Variants in NEDD9 observed in about 807,000 individuals in gnomAD.
NEDD9 encodes enhancer of filamentation 1.
Under a neutral mutation model 76.6 loss-of-function variants are expected in NEDD9, and 26 were observed. The ratio of observed to expected loss-of-function variants is 0.34; its 90% CI spans 0.25 to 0.47. The LOEUF is 0.47. NEDD9 is among the 20% of genes least tolerant of loss of function. The pLI is 1.00. For synonymous variants in NEDD9, 392 were observed against 414.2 expected, an observed-to-expected ratio of 0.95 and a Z score of 0.65; for missense variants, 937 against 1,058.5, an observed-to-expected ratio of 0.89 and a Z score of 1.59.
chr6:11,368,127 G>A (rs1035956214), intron 1 of NEDD9, among the ~76,000 whole-genome samples: 2 of 152,202 alleles, frequency 1.3e-5, no homozygotes, highest in African/African-American at 4.8e-5. Flanking sequence ...CTGGCCCTCA[G>A]TGGCTTCTCC....
chr6:11,192,260 C>T, intron 4 of NEDD9, 85 bp downstream of exon 4: 1 of 446,570 alleles, frequency 2.2e-6, no homozygotes, highest in Non-Finnish European at 3.9e-6. Context: ...GAGTGAACTA[C>T]TTACCCACCC....
At chr6:11,251,011 G>C (rs1759904102) in intron 3 of NEDD9, among the ~76,000 whole-genome samples, 1 of 152,170 alleles carries the variant, frequency 6.6e-6, no homozygotes, top group Non-Finnish European at 1.5e-5. Context: ...TCTGCTGTAA[G>C]GAGACTTAAA....
At chr6:11,300,983 A>G (rs1055620144) in intron 3 of NEDD9, among the ~76,000 whole-genome samples, 1 of 152,250 alleles carries the variant, frequency 6.6e-6, no homozygotes, top group African/African-American at 2.4e-5. Context: ...ATGAGCTAAC[A>G]TCAAAATGAC....
chr6:11,221,422 G>A (rs541167878), intron 1 of NEDD9, among the ~76,000 whole-genome samples: 20 of 151,928 alleles, frequency 1.3e-4, no homozygotes, highest in African/African-American at 4.8e-4. Context: ...AAAAGAAGGG[G>A]GAAGAACACC....
chr6:11,240,964 T>C (rs368008203), intron 3 of NEDD9, among the ~76,000 whole-genome samples: 11 of 152,358 alleles, frequency 7.2e-5, no homozygotes, highest in East Asian at 5.8e-4. Context: ...TGGCAAAGCC[T>C]CTCTCTCCTG....
At position 11,237,830 on chromosome 6, in the gene NEDD9, A is replaced by G. The variant is rs1200719678; in HGVS notation, c.13-24103T>C. Among the ~76,000 whole-genome samples, 1 of 152,230 alleles carries G rather than the reference A, an allele frequency of 6.6e-6. No individual in the cohort carries two copies. The highest frequency in any genetic ancestry group is 1.5e-5 in the Non-Finnish European group (1 of 68,040). On this transcript the variant is annotated intron_variant, in intron 3 of 3. Transcript: ENST00000397378. This position sits in a 1 kb window ranked among gnomAD's most constrained non-coding sequence, Gnocchi z 4.9. ...ACATCTATGCCTGAGTTCAGAATAAAGTATAGATCTTTCCACATCTACAGG... is the reference window on the plus strand; with the variant it reads ...ACATCTATGCCTGAGTTCAGAATAAGGTATAGATCTTTCCACATCTACAGG...
At chr6:11,367,394 C>T (rs1230582703) in intron 1 of NEDD9, among the ~76,000 whole-genome samples, 1 of 152,116 alleles carries the variant, frequency 6.6e-6, no homozygotes, top group African/African-American at 2.4e-5. Flanking sequence ...ATTATATGGC[C>T]GAGCTTTTGA....
chr6:11,207,779 C>A (rs1758654257), intron 2 of NEDD9, among the ~76,000 whole-genome samples: 2 of 152,034 alleles, frequency 1.3e-5, no homozygotes, highest in South Asian at 4.1e-4. Context: ...GGGGGATGAA[C>A]CTTGGAGTGG....
intron 1 of NEDD9, among the ~76,000 whole-genome samples, chr6:11,345,999 C>A (rs989970321): frequency 6.6e-6 from 1 of 152,220 alleles, no homozygotes; most frequent in African/African-American, 2.4e-5. Context: ...CCAGGACCTC[C>A]CTATCTAAGG....
At position 11,209,096 on chromosome 6, in the gene NEDD9, C is replaced by T. The variant is rs1581957503; in HGVS notation, c.459+4185G>A. ...AAAAATATAACCTACATACTGTTTT[C>T]TAATATGATGAAATAGTTATAAGCC... On this transcript the variant is annotated intron_variant, in intron 2 of 6. Transcript: ENST00000379446. Among the ~76,000 whole-genome samples, 5 of 152,232 alleles carry T rather than the reference C, an allele frequency of 3.3e-5. No homozygotes were observed. In the East Asian group the frequency reaches 9.6e-4, roughly 29 times the overall value.
intron 2 of NEDD9, among the ~76,000 whole-genome samples, chr6:11,204,718 T>TTAA (rs1561786771): frequency 6.7e-4 from 18 of 26,794 alleles, no homozygotes; most frequent in African/African-American, 3.3e-3. Flanking sequence ...AGGGTCCGTC[T>TTAA]CAAAAAAAAA....
intron 1 of NEDD9, among the ~76,000 whole-genome samples, chr6:11,222,880 G>T (rs911974837): frequency 1.3e-5 from 2 of 152,354 alleles, no homozygotes; most frequent in East Asian, 1.9e-4. Flanking sequence ...TTCTATGGGG[G>T]TATTTTTGAG....
chr6:11,358,248 A>C (rs1762617420), intron 1 of NEDD9, among the ~76,000 whole-genome samples: 1 of 19,440 alleles, frequency 5.1e-5, no homozygotes, highest in Admixed American at 4.9e-4. Context: ...GACTCCGTCA[A>C]AAAAAAAAAA....
intron 3 of NEDD9, among the ~76,000 whole-genome samples, chr6:11,243,044 G>A (rs1013639581): frequency 2.0e-5 from 3 of 152,142 alleles, no homozygotes; most frequent in African/African-American, 7.2e-5. Flanking sequence ...TTTACATTTT[G>A]TTACTGTGGA....
chr6:11,272,815 A>T (rs1233437005), intron 3 of NEDD9, among the ~76,000 whole-genome samples: 1 of 152,184 alleles, frequency 6.6e-6, no homozygotes. Flanking sequence ...CATCCTGGTC[A>T]CACTTCATTG....
At chr6:11,342,548 C>G (rs1762294229) in intron 1 of NEDD9, among the ~76,000 whole-genome samples, 1 of 152,146 alleles carries the variant, frequency 6.6e-6, no homozygotes, top group Non-Finnish European at 1.5e-5. Flanking sequence ...CCTATTCACA[C>G]AGAATTCTAT....
intron 3 of NEDD9, among the ~76,000 whole-genome samples, chr6:11,275,374 C>T (rs973273338): frequency 2.0e-5 from 3 of 151,838 alleles, no homozygotes; most frequent in Non-Finnish European, 2.9e-5. Context: ...ATTGCATACT[C>T]GAAAATTGCT....
chr6:11,261,703 C>G (rs148865325), intron 3 of NEDD9, among the ~76,000 whole-genome samples: 1 of 152,148 alleles, frequency 6.6e-6, no homozygotes, highest in Non-Finnish European at 1.5e-5. Context: ...TATATGGATG[C>G]GGATCATGGA....
At chr6:11,194,298 T>C (rs2113725138) in intron 2 of NEDD9, among the ~76,000 whole-genome samples, 1 of 152,346 alleles carries the variant, frequency 6.6e-6, no homozygotes, top group South Asian at 2.1e-4. Context: ...AAATATACTT[T>C]AAGGGATACT....
Sources: gnomAD v4.1 joint callset for allele counts (sites outside exome capture counted in the v4.1 genomes callset) on GRCh38, gnomAD v4.1.1 for gene constraint, Gnocchi (gnomAD v3.1) non-coding constraint, MANE v1.5 for transcripts, NCBI Gene and HGNC (gene_info 2026-07-23, HGNC 2026-07-21) for gene names.